Variants in DSE observed in about 807,000 individuals in gnomAD.
DSE encodes dermatan sulfate epimerase.
DSE carries 36 observed loss-of-function variants against 84.4 expected under a neutral mutation model. That is an observed-to-expected ratio of 0.43 (90% CI 0.33 to 0.56). The LOEUF is 0.56. DSE is among the 20% of genes least tolerant of loss of function. The pLI is 0.06. For synonymous variants in DSE, 410 were observed against 430.1 expected, an observed-to-expected ratio of 0.95 and a Z score of 0.58; for missense variants, 862 against 1,169.6, an observed-to-expected ratio of 0.74 and a Z score of 3.84.
chr6:116,336,530 C>T (rs1235674223), intron 2 of DSE, among the ~76,000 whole-genome samples: 4 of 152,002 alleles, frequency 2.6e-5, no homozygotes, highest in African/African-American at 7.3e-5. Context: ...CCGAGGCAGG[C>T]GGATCAGCCA....
intron 2 of DSE, among the ~76,000 whole-genome samples, chr6:116,289,414 A>C (rs997689313): frequency 6.6e-6 from 1 of 151,992 alleles, no homozygotes; most frequent in African/African-American, 2.4e-5. Context: ...TCAATATCCT[A>C]AGATTAAGCA....
intron 1 of DSE, among the ~76,000 whole-genome samples, chr6:116,378,562 T>A (rs1780057438): frequency 6.6e-6 from 1 of 152,180 alleles, no homozygotes; most frequent in Non-Finnish European, 1.5e-5. Flanking sequence ...CCCTGCTTAA[T>A]CTGTTTTCTC....
chr6:116,318,111 T>C lies in DSE; in HGVS notation c.-54+59144T>C, dbSNP rs181719820. ...ACAAATATATATTGAGCACTTGCTG[T>C]ATGACATGCTGAGGCATTCGACATT... is the stretch of plus-strand genomic sequence containing the variant. On this transcript the variant is annotated intron_variant, in intron 2 of 3. Coordinates refer to the DSE transcript ENST00000430252. Among the ~76,000 whole-genome samples, 895 of 152,354 alleles carry C rather than the reference T, an allele frequency of 5.9e-3. 9 individuals carry two copies. The highest frequency in any genetic ancestry group is 0.02 in the African/African-American group (837 of 41,576).
chr6:116,373,101 T>TCCCA (rs1243600385), intron 1 of DSE, among the ~76,000 whole-genome samples: 2 of 149,060 alleles, frequency 1.3e-5, no homozygotes, highest in East Asian at 3.9e-4. Context: ...ACGCCTGTAA[T>TCCCA]CCCAGCACTT....
chr6:116,419,226 C>T (rs1782919304), intron 2 of DSE, among the ~76,000 whole-genome samples: 1 of 152,212 alleles, frequency 6.6e-6, no homozygotes, highest in Non-Finnish European at 1.5e-5. Context: ...GATGAGGCCT[C>T]AGAGGTGAGA....
intron 2 of DSE, among the ~76,000 whole-genome samples, chr6:116,407,260 A>T (rs893506324): frequency 2.0e-5 from 3 of 152,194 alleles, no homozygotes; most frequent in African/African-American, 7.2e-5. Context: ...GGGAGGCATA[A>T]ATGATGGCCC....
At chr6:116,279,501 G>C in intron 2 of DSE, 1 of 1,610,726 alleles carries the variant, frequency 6.2e-7, no homozygotes, top group South Asian at 1.1e-5. Flanking sequence ...CCACAGAAGC[G>C]GCTGCCAGGC....
intron 1 of DSE, among the ~76,000 whole-genome samples, chr6:116,371,950 A>G (rs972192777): frequency 6.6e-6 from 1 of 152,338 alleles, no homozygotes; most frequent in East Asian, 1.9e-4. Flanking sequence ...TAAAATCAGG[A>G]GGTGAACCTC....
chr6:116,327,224 A>T (rs2114779507), intron 2 of DSE, among the ~76,000 whole-genome samples: 1 of 152,374 alleles, frequency 6.6e-6, no homozygotes. Context: ...ACTTAGTTAC[A>T]CAGCACATCA....
chr6:116,365,748 TG>T (rs1779133269), upstream of DSE, among the ~76,000 whole-genome samples: 1 of 152,242 alleles, frequency 6.6e-6, no homozygotes, highest in African/African-American at 2.4e-5. Flanking sequence ...TGGTGTGTTT[TG>T]GGTTCTCCCA....
At chr6:116,260,734 T>C (rs1466300610) in intron 2 of DSE, among the ~76,000 whole-genome samples, 1 of 152,244 alleles carries the variant, frequency 6.6e-6, no homozygotes, top group Non-Finnish European at 1.5e-5. Flanking sequence ...ATCTATTGAA[T>C]AGGGAATCCT....
intron 2 of DSE, among the ~76,000 whole-genome samples, chr6:116,402,750 A>T (rs1781674743): frequency 6.6e-6 from 1 of 152,152 alleles, no homozygotes; most frequent in African/African-American, 2.4e-5. Flanking sequence ...TAAAACGTTC[A>T]TTGATGCTCC....
At chr6:116,280,112 C>G in intron 2 of DSE, 1 of 515,950 alleles carries the variant, frequency 1.9e-6, no homozygotes, top group South Asian at 2.0e-5. Flanking sequence ...TGTGCTGAGT[C>G]TGGAAGCGCG....
intron 2 of DSE, among the ~76,000 whole-genome samples, chr6:116,361,096 G>A (rs548732651): frequency 3.8e-4 from 58 of 151,946 alleles, no homozygotes; most frequent in South Asian, 6.2e-4. Context: ...ATGGAGTCTC[G>A]CTCTGTTGCC....
intron 2 of DSE, among the ~76,000 whole-genome samples, chr6:116,335,148 G>A (rs1445113094): frequency 6.6e-6 from 1 of 152,120 alleles, no homozygotes; most frequent in East Asian, 1.9e-4. Flanking sequence ...TGATAGATTT[G>A]ATAAAGAAAA....
At chr6:116,297,131 T>C (rs1300002746) in intron 2 of DSE, among the ~76,000 whole-genome samples, 1 of 152,146 alleles carries the variant, frequency 6.6e-6, no homozygotes, top group East Asian at 1.9e-4. Flanking sequence ...TTGCATGCAC[T>C]GTTTCAGTGT....
At chr6:116,276,132 A>G (rs534901091) in intron 2 of DSE, among the ~76,000 whole-genome samples, 6 of 152,296 alleles carry the variant, frequency 3.9e-5, no homozygotes, top group East Asian at 1.9e-4. Context: ...TATCTCCTCT[A>G]TGGGGAACAG....
chr6:116,406,380 C>T (rs987919884), intron 2 of DSE, among the ~76,000 whole-genome samples: 2 of 152,176 alleles, frequency 1.3e-5, no homozygotes, highest in Admixed American at 6.5e-5. Flanking sequence ...TTAAATTTTT[C>T]TAACATAAAA....
At chr6:116,292,959 T>C (rs967039103) in intron 2 of DSE, among the ~76,000 whole-genome samples, 4 of 152,204 alleles carry the variant, frequency 2.6e-5, no homozygotes, top group Non-Finnish European at 5.9e-5. Flanking sequence ...AGTGGTGATC[T>C]CTGGGGGATG....
Sources: gnomAD v4.1 joint callset for allele counts (sites outside exome capture counted in the v4.1 genomes callset) on GRCh38, gnomAD v4.1.1 for gene constraint, MANE v1.5 for transcripts, NCBI Gene and HGNC (gene_info 2026-07-23, HGNC 2026-07-21) for gene names.